The following RPSA2 variants were observed in gnomAD, a reference collection of about 807,000 sequenced individuals.
RPSA2 encodes the protein ribosomal protein SA 2.
chr19:23,845,204 G>A, the RPSA2 span, among the ~76,000 whole-genome samples: 493 of 81,344 alleles, frequency 6.1e-3, 21 homozygotes, highest in Admixed American at 0.07. Context: ...TTTTGAAAAA[G>A]CAACTTTTTA....
At chr19:23,791,185 A>G in the RPSA2 span, among the ~76,000 whole-genome samples, 2 of 152,126 alleles carry the variant, frequency 1.3e-5, no homozygotes, top group Non-Finnish European at 2.9e-5. Flanking sequence ...GCACCCAGCT[A>G]TGGTTTTAAT....
At chr19:23,865,720 C>T in the RPSA2 span, among the ~76,000 whole-genome samples, 148,949 of 152,276 alleles carry the variant, frequency 0.98, 72,939 homozygotes, top group Middle Eastern at 1. Flanking sequence ...TTGCATGCTG[C>T]TGCTATGGCA....
the RPSA2 span, among the ~76,000 whole-genome samples, chr19:23,870,625 G>A: frequency 6.6e-6 from 1 of 152,092 alleles, no homozygotes; most frequent in Non-Finnish European, 1.5e-5. Flanking sequence ...CTCAATCCTT[G>A]GAACTATCTA....
the RPSA2 span, among the ~76,000 whole-genome samples, chr19:23,772,580 C>A: frequency 0.98 from 148,883 of 152,206 alleles, 72,911 homozygotes; most frequent in Middle Eastern, 1. Context: ...GAATTGCCAC[C>A]CTCCCACATA....
the RPSA2 span, among the ~76,000 whole-genome samples, chr19:23,761,681 G>T: frequency 6.6e-6 from 1 of 151,774 alleles, no homozygotes; most frequent in East Asian, 2.0e-4. Flanking sequence ...CCTACCTCCA[G>T]GGTCTAAACT....
chr19:23,863,351 G>A, the RPSA2 span, among the ~76,000 whole-genome samples: 1 of 152,048 alleles, frequency 6.6e-6, no homozygotes, highest in Non-Finnish European at 1.5e-5. Context: ...ATCACCTAAG[G>A]TCAAGAGTTC....
the RPSA2 span, among the ~76,000 whole-genome samples, chr19:23,844,702 T>TTATAATG: frequency 2.0e-5 from 3 of 150,978 alleles, no homozygotes; most frequent in African/African-American, 4.9e-5. Flanking sequence ...TCCATTTTTT[T>TTATAATG]ATAATATAAT....
chr19:23,810,121 C>G, the RPSA2 span, among the ~76,000 whole-genome samples: 1 of 151,992 alleles, frequency 6.6e-6, no homozygotes, highest in South Asian at 2.1e-4. Flanking sequence ...AGGCTGGGTG[C>G]GGTGGCTCAT....
At chr19:23,845,247 T>C in the RPSA2 span, among the ~76,000 whole-genome samples, 1 of 114,518 alleles carries the variant, frequency 8.7e-6, no homozygotes, top group Non-Finnish European at 1.8e-5. Flanking sequence ...TTTTGGTTTT[T>C]ATTTCATTTG....
At chr19:23,816,004 T>TC in the RPSA2 span, among the ~76,000 whole-genome samples, 1 of 151,878 alleles carries the variant, frequency 6.6e-6, no homozygotes. Context: ...TGTTTTTTTT[T>TC]TCGCTCTGTG....
chr19:23,860,972 G>T, the RPSA2 span, among the ~76,000 whole-genome samples: 1 of 151,950 alleles, frequency 6.6e-6, no homozygotes, highest in Non-Finnish European at 1.5e-5. Context: ...GGAGACAGAA[G>T]ATCTTCCTCT....
the RPSA2 span, among the ~76,000 whole-genome samples, chr19:23,823,500 A>C: frequency 7.9e-5 from 12 of 152,060 alleles, no homozygotes; most frequent in Admixed American, 6.5e-4. Flanking sequence ...CACTGTCTGC[A>C]TTGGTTCCTC....
the RPSA2 span, among the ~76,000 whole-genome samples, chr19:23,761,300 G>A: frequency 5.3e-5 from 8 of 152,016 alleles, no homozygotes; most frequent in Non-Finnish European, 1.2e-4. Context: ...GACTGGTCTT[G>A]AACCCCTGGG....
chr19:23,850,853 G>A, the RPSA2 span, among the ~76,000 whole-genome samples: 1 of 152,112 alleles, frequency 6.6e-6, no homozygotes, highest in South Asian at 2.1e-4. Flanking sequence ...AATGGGGAGT[G>A]GTTAAATTAT....
At chr19:23,779,796 A>T in the RPSA2 span, among the ~76,000 whole-genome samples, 1 of 152,200 alleles carries the variant, frequency 6.6e-6, no homozygotes, top group African/African-American at 2.4e-5. Flanking sequence ...CCCTGCCCAC[A>T]GGAAAGATTG....
At chr19:23,838,678 C>T in the RPSA2 span, among the ~76,000 whole-genome samples, 3 of 151,964 alleles carry the variant, frequency 2.0e-5, no homozygotes, top group Non-Finnish European at 2.9e-5. Flanking sequence ...ATCTCTTCTA[C>T]ATTTTCCAGG....
At chr19:23,842,312 C>T in the RPSA2 span, among the ~76,000 whole-genome samples, 14 of 152,026 alleles carry the variant, frequency 9.2e-5, no homozygotes, top group Admixed American at 8.5e-4. Context: ...AGTTCTATGC[C>T]GTGTTATTCA....
At chr19:23,859,971 C>G in the RPSA2 span, among the ~76,000 whole-genome samples, 3 of 152,274 alleles carry the variant, frequency 2.0e-5, no homozygotes, top group South Asian at 6.2e-4. Flanking sequence ...GAAGGCAGCC[C>G]ATACATTCTG....
the RPSA2 span, among the ~76,000 whole-genome samples, chr19:23,773,683 A>G: frequency 0.011 from 1,654 of 152,228 alleles, 32 homozygotes; most frequent in African/African-American, 0.038. Context: ...TCACACATAG[A>G]GGTAGTCAGA....
Sources: allele counts gnomAD v4.1 joint callset (sites outside exome capture counted in the v4.1 genomes callset), GRCh38; gene constraint gnomAD v4.1.1; transcripts MANE v1.5; gene names NCBI Gene and HGNC (gene_info 2026-07-23, HGNC 2026-07-21).